ZPLD1: variants seen among roughly 807,000 people sequenced by gnomAD.
ZPLD1 encodes zona pellucida-like domain-containing protein 1.
ZPLD1 carries 34 observed loss-of-function variants against 47.2 expected under a neutral mutation model. That is an observed-to-expected ratio of 0.72 (90% CI 0.55 to 0.96). The LOEUF is 0.96. ZPLD1 is among the 40% of genes least tolerant of loss of function. The probability of loss-of-function intolerance (pLI) is 0.00; values close to 1 mark genes in which losing one functional copy is unlikely to be tolerated. For synonymous variants in ZPLD1, 176 were observed against 186.2 expected (o/e 0.95, Z 0.45); for missense variants, 512 against 505.8 (o/e 1.01, Z -0.12).
chr3:102,389,124 G>A (rs1382671727), intron 6 of ZPLD1, among the ~76,000 whole-genome samples: 2 of 152,090 alleles, frequency 1.3e-5, no homozygotes, highest in Non-Finnish European at 2.9e-5. Flanking sequence ...ATGCCCATAT[G>A]GCCCAGGCAG....
intron 8 of ZPLD1, among the ~76,000 whole-genome samples, chr3:102,465,996 C>G (rs1179356479): frequency 6.6e-6 from 1 of 152,114 alleles, no homozygotes; most frequent in Non-Finnish European, 1.5e-5. Context: ...AAACTGCTAT[C>G]CCCAGGGCTG....
At chr3:102,418,700 T>G (rs531757365) in intron 8 of ZPLD1, among the ~76,000 whole-genome samples, 2 of 152,114 alleles carry the variant, frequency 1.3e-5, no homozygotes, top group Admixed American at 1.3e-4. Context: ...AGGGTTCTAT[T>G]GCACCAGAGA....
intron 3 of ZPLD1, among the ~76,000 whole-genome samples, chr3:102,440,691 T>A: frequency 8.5e-6 from 1 of 117,466 alleles, no homozygotes; most frequent in East Asian, 2.3e-4. Context: ...AAATAAAAAG[T>A]ATGAAAATAG....
rs6784362 is a variant in ZPLD1, at chr3:102,438,521, A to G, written c.34A>G (p.Ile12Val). The G allele has an allele frequency of 2.5e-6, 4 of 1,613,662 alleles. No individual in the cohort carries two copies. Among genetic ancestry groups the G allele is most frequent in the Middle Eastern group, 1.6e-4 (1 of 6,084 alleles). ...EQIWLLLLLT[I>V]RVLPGSAQFN... is the part of the protein sequence containing the mutation. ...AATATGGTTGCTGCTGCTTCTAACA[A>G]TTAGAGTGCTTCCGGGGTCTGCTCA... Residue 12 changes from isoleucine (I) to valine (V), a missense_variant, in exon 3 of 12, where the codon ATT (isoleucine) becomes GTT (valine). By Grantham distance (29) the Ile-to-Val change is conservative (BLOSUM62 3). Coordinates refer to ENST00000466937, the MANE Select transcript of ZPLD1 (RefSeq NM_001329788.2).
chr3:102,431,427 G>T (rs893820681), upstream of ZPLD1, among the ~76,000 whole-genome samples: 2 of 152,054 alleles, frequency 1.3e-5, no homozygotes, highest in African/African-American at 4.8e-5. Flanking sequence ...CTACATTAAT[G>T]AATGTATATG....
At chr3:102,405,577 T>C (rs909615485) in intron 7 of ZPLD1, among the ~76,000 whole-genome samples, 23 of 151,996 alleles carry the variant, frequency 1.5e-4, no homozygotes, top group African/African-American at 2.4e-5. Flanking sequence ...TTCAAATGCA[T>C]GAATGTAAAG....
intron 10 of ZPLD1, among the ~76,000 whole-genome samples, chr3:102,475,739 C>A (rs995942558): frequency 2.6e-5 from 4 of 152,020 alleles, no homozygotes; most frequent in African/African-American, 9.7e-5. Flanking sequence ...TTCTAAAGAA[C>A]CCTATGAATG....
At chr3:102,424,307 CA>C (rs996143984) in intron 8 of ZPLD1, among the ~76,000 whole-genome samples, 4 of 152,028 alleles carry the variant, frequency 2.6e-5, no homozygotes, top group Admixed American at 2.6e-4. Context: ...CCTCTAGATA[CA>C]AATTTCCTTC....
Position 102,449,916 on chromosome 3 carries a change from G to A in ZPLD1, c.107-3003G>A, listed in dbSNP as rs1405538981. 3.3e-5 allele frequency among the ~76,000 whole-genome samples: 5 copies of A among 152,200 alleles called. No homozygotes were observed. In the South Asian group the frequency reaches 6.2e-4, roughly 19 times the overall value. ...TTTTGAATCCTCAGTGCACTCTGTT[G>A]CTCCAGTACCTTATATGATTAATTA... On this transcript the variant is annotated intron_variant, in intron 3 of 11. Transcript: ENST00000466937.
intron 8 of ZPLD1, among the ~76,000 whole-genome samples, chr3:102,420,153 A>G (rs77938617): frequency 6.6e-6 from 1 of 151,966 alleles, no homozygotes; most frequent in African/African-American, 2.4e-5. Context: ...CAAGACCTCA[A>G]TGATGAGGCA....
At chr3:102,453,507 C>T (rs115506339) in intron 4 of ZPLD1, among the ~76,000 whole-genome samples, 2,043 of 152,278 alleles carry the variant, frequency 0.013, 51 homozygotes, top group African/African-American at 0.047. Context: ...TGGCAGTGAA[C>T]CGCTTGGCCT....
At position 102,477,708 on chromosome 3, in the gene ZPLD1, C is replaced by A; in HGVS notation, c.*90C>A. On this transcript the variant is annotated 3_prime_UTR_variant, in exon 12 of 12. Transcript: ENST00000466937. The stretch of plus-strand genomic sequence containing the variant: ...TGTTCCGTCTGAATTTCATGTCAGT[C>A]CACATTCAATATTTGTAGGTTTGAT... 3 of 1,195,596 alleles carry A rather than the reference C, an allele frequency of 2.5e-6. No individual in the cohort carries two copies. Among genetic ancestry groups the A allele is most frequent in the Non-Finnish European group, 1.2e-6 (1 of 863,302 alleles). The allele number at this position is 1,195,596 out of a possible 1,614,324, so 74.1% of individuals were successfully genotyped here. A position where few individuals can be genotyped will look rare whatever the true frequency, so the allele number is the denominator to read the frequency against.
At chr3:102,447,315 C>A (rs1013209958) in intron 3 of ZPLD1, among the ~76,000 whole-genome samples, 1 of 152,182 alleles carries the variant, frequency 6.6e-6, no homozygotes, top group Non-Finnish European at 1.5e-5. Context: ...CCACCCACTT[C>A]GGCCTTCCTA....
chr3:102,447,905 G>A (rs1182755272), intron 3 of ZPLD1, among the ~76,000 whole-genome samples: 6 of 152,030 alleles, frequency 3.9e-5, no homozygotes, highest in Non-Finnish European at 8.8e-5. Flanking sequence ...TATATATATA[G>A]AACTGGATCC....
chr3:102,396,678 G>A (rs770484428), intron 7 of ZPLD1, among the ~76,000 whole-genome samples: 6 of 152,250 alleles, frequency 3.9e-5, no homozygotes, highest in South Asian at 2.1e-4. Flanking sequence ...AGGGTTAGCC[G>A]GTGGCAGAGG....
chr3:102,456,021 G>A, intron 4 of ZPLD1, among the ~76,000 whole-genome samples, 172 bp from the exon 5 acceptor site: 1 of 152,050 alleles, frequency 6.6e-6, no homozygotes, highest in Non-Finnish European at 1.5e-5. Flanking sequence ...TTACTTACAT[G>A]TCACTTATAA....
chr3:102,444,693 CA>C (rs1189662848), intron 3 of ZPLD1, among the ~76,000 whole-genome samples: 1 of 151,984 alleles, frequency 6.6e-6, no homozygotes, highest in Non-Finnish European at 1.5e-5. Context: ...TATCGGAGCC[CA>C]GGATGTAAAT....
At chr3:102,463,602 T>C (rs939940156) in intron 7 of ZPLD1, among the ~76,000 whole-genome samples, 3 of 152,108 alleles carry the variant, frequency 2.0e-5, no homozygotes, top group African/African-American at 7.2e-5. Context: ...TATGGGTACA[T>C]AGTAGGTGTA....
intron 8 of ZPLD1, among the ~76,000 whole-genome samples, chr3:102,425,341 G>T (rs1706931632): frequency 6.6e-6 from 1 of 152,034 alleles, no homozygotes; most frequent in Admixed American, 6.6e-5. Flanking sequence ...ACTATGAAAT[G>T]TATTATATAT....
Sources: gnomAD v4.1 joint callset for allele counts (sites outside exome capture counted in the v4.1 genomes callset) on GRCh38, gnomAD v4.1.1 for gene constraint, MANE v1.5 for transcripts, NCBI Gene and HGNC (gene_info 2026-07-23, HGNC 2026-07-21) for gene names.